The following LRRC4C variants were observed in gnomAD, a reference collection of about 807,000 sequenced individuals.
LRRC4C encodes the protein leucine-rich repeat-containing protein 4C.
Under a neutral mutation model 33.6 loss-of-function variants are expected in LRRC4C, and 5 were observed. The ratio of observed to expected loss-of-function variants is 0.15; its 90% CI spans 0.08 to 0.31. The LOEUF (loss-of-function observed/expected upper bound fraction) is 0.31. Ranked by LOEUF, LRRC4C falls within the 10% of genes least tolerant of loss-of-function variation. LRRC4C has a pLI of 1.00. For missense variants in LRRC4C, 560 were observed against 796.7 expected, an observed-to-expected ratio of 0.70 and a Z score of 3.58; for synonymous variants, 329 against 302.0, an observed-to-expected ratio of 1.09 and a Z score of -0.93.
intron 5 of LRRC4C, among the ~76,000 whole-genome samples, chr11:40,195,512 A>T (rs1179021887): frequency 1.3e-5 from 2 of 152,096 alleles, no homozygotes; most frequent in African/African-American, 4.8e-5. Context: ...TGGGTAGCAG[A>T]GGTGGGGTCA....
At chr11:40,655,044 G>C (rs1457834295) in intron 2 of LRRC4C, among the ~76,000 whole-genome samples, 1 of 152,192 alleles carries the variant, frequency 6.6e-6, no homozygotes, top group East Asian at 1.9e-4. Flanking sequence ...ATGCAGAAAT[G>C]TGAGTCAATT....
chr11:40,785,677 T>G (rs535459238), intron 2 of LRRC4C, among the ~76,000 whole-genome samples: 1 of 152,298 alleles, frequency 6.6e-6, no homozygotes, highest in African/African-American at 2.4e-5. Flanking sequence ...GGTGCTGTCT[T>G]TTCAAAATAC....
intron 3 of LRRC4C, among the ~76,000 whole-genome samples, chr11:40,509,673 G>A (rs559830910): frequency 2.4e-4 from 37 of 151,962 alleles, no homozygotes; most frequent in African/African-American, 5.5e-4. Flanking sequence ...TTAATTTTGC[G>A]TAGCATTTTT....
intron 4 of LRRC4C, among the ~76,000 whole-genome samples, chr11:40,306,375 G>C (rs562301597): frequency 6.6e-6 from 1 of 152,232 alleles, no homozygotes; most frequent in African/African-American, 2.4e-5. Context: ...CACAGCAGCT[G>C]CTCACTTCAT....
chr11:40,763,971 C>T (rs1949340619), intron 2 of LRRC4C, among the ~76,000 whole-genome samples: 1 of 152,160 alleles, frequency 6.6e-6, no homozygotes, highest in African/African-American at 2.4e-5. Flanking sequence ...TAGTGAGACA[C>T]AAGCTGGGGT....
intron 1 of LRRC4C, among the ~76,000 whole-genome samples, chr11:41,133,599 C>T (rs1435871892): frequency 1.4e-5 from 2 of 147,824 alleles, no homozygotes; most frequent in East Asian, 4.2e-4. Context: ...CCTCATTATA[C>T]TCCCTCCACT....
At chr11:41,181,643 T>C (rs1945455255) in intron 1 of LRRC4C, among the ~76,000 whole-genome samples, 1 of 152,166 alleles carries the variant, frequency 6.6e-6, no homozygotes, top group Non-Finnish European at 1.5e-5. Flanking sequence ...AGCAAATTAG[T>C]AGTTGAACAA....
At chr11:41,093,927 C>CAAAAAAAAAAAAA (rs56173087) in intron 1 of LRRC4C, among the ~76,000 whole-genome samples, 2 of 58,990 alleles carry the variant, frequency 3.4e-5, no homozygotes, top group East Asian at 5.4e-4. Flanking sequence ...CCGTCTCCAC[C>CAAAAAAAAAAAAA]AAAAAAAAAA....
intron 5 of LRRC4C, among the ~76,000 whole-genome samples, chr11:40,166,314 A>G (rs1859592292): frequency 6.6e-6 from 1 of 152,192 alleles, no homozygotes; most frequent in Admixed American, 6.5e-5. Flanking sequence ...AAAAATACGA[A>G]TGAATTTCAC....
chr11:41,056,726 C>A (rs747090093), intron 1 of LRRC4C, among the ~76,000 whole-genome samples: 3 of 152,180 alleles, frequency 2.0e-5, no homozygotes, highest in African/African-American at 7.2e-5. Flanking sequence ...CATATCATAC[C>A]AGTCAGAGTG....
chr11:41,251,569 A>G (rs1948639002), intron 1 of LRRC4C, among the ~76,000 whole-genome samples: 1 of 152,228 alleles, frequency 6.6e-6, no homozygotes, highest in Non-Finnish European at 1.5e-5. Flanking sequence ...TGGAAACAAT[A>G]TACTCAGTAA....
intron 2 of LRRC4C, among the ~76,000 whole-genome samples, chr11:40,806,114 T>C (rs537736254): frequency 1.1e-4 from 16 of 152,336 alleles, no homozygotes; most frequent in Middle Eastern, 3.4e-3. Context: ...TTAAAAAATG[T>C]TACGACTGTT....
At position 41,366,215 on chromosome 11, in the gene LRRC4C, T is replaced by C. The variant is rs866792028; in HGVS notation, c.-496+93216A>G. Among the ~76,000 whole-genome samples, 533 of 142,164 alleles carry C rather than the reference T, an allele frequency of 3.7e-3. 4 individuals are homozygous for C. The highest frequency in any genetic ancestry group is 0.014 in the African/African-American group (487 of 34,106). The allele number at this position is 142,164 out of a possible 152,430, so 93.3% of individuals were successfully genotyped here. A position where few individuals can be genotyped will look rare whatever the true frequency, so the allele number is the denominator to read the frequency against. On this transcript the variant is annotated intron_variant, in intron 1 of 6. Transcript: ENST00000528697. ...ATAGATAGACAGATAGATAGATAGA[T>C]AGATAGATAGATAGATAGATAGATA...
chr11:40,116,091 G>T lies in LRRC4C; in HGVS notation c.202C>A (p.Arg68Ser), dbSNP rs1286179478. 6.2e-6 allele frequency: 10 copies of T among 1,614,032 alleles called. No individual in the cohort carries two copies. Among genetic ancestry groups the T allele is most frequent in the Non-Finnish European group, 8.5e-6 (10 of 1,180,014 alleles). ...SKVICVRKNL[R>S]EVPDGISTNT... is the part of the protein sequence containing the mutation. ...GTGGAGATGCCATCCGGAACCTCAC[G>T]CAGGTTTTTCCGAACACAAATCACC... The change falls in exon 7 of 7, where the codon CGT becomes AGT. Residue 68 changes from arginine to serine, a missense_variant. This residue lies in a region of LRRC4C where 455 missense variants were observed against 643.8 expected (regional missense o/e 0.71). Coordinates refer to ENST00000528697, the MANE Select transcript of LRRC4C (RefSeq NM_001258419.2).
At chr11:40,830,289 C>T (rs1258902848) in intron 2 of LRRC4C, among the ~76,000 whole-genome samples, 1 of 152,086 alleles carries the variant, frequency 6.6e-6, no homozygotes, top group Non-Finnish European at 1.5e-5. Context: ...CTTTCCACTT[C>T]TTTGTTAATA....
chr11:40,879,599 A>G (rs1216838973), intron 2 of LRRC4C, among the ~76,000 whole-genome samples: 2 of 152,154 alleles, frequency 1.3e-5, no homozygotes, highest in African/African-American at 2.4e-5. Flanking sequence ...AAGTAAACTC[A>G]CAGATAAAGG....
chr11:40,119,290 C>G (rs943246989), intron 6 of LRRC4C, among the ~76,000 whole-genome samples: 4 of 152,204 alleles, frequency 2.6e-5, no homozygotes, highest in African/African-American at 9.6e-5. Flanking sequence ...CCATTGCTTT[C>G]TGGCTTCAGA....
intron 1 of LRRC4C, among the ~76,000 whole-genome samples, chr11:41,184,479 C>G (rs1945599113): frequency 6.6e-6 from 1 of 152,124 alleles, no homozygotes; most frequent in African/African-American, 2.4e-5. Flanking sequence ...AGTTTATTTG[C>G]TAAACATAAC....
At chr11:40,914,726 G>A (rs879002662) in intron 2 of LRRC4C, among the ~76,000 whole-genome samples, 1 of 152,056 alleles carries the variant, frequency 6.6e-6, no homozygotes, top group South Asian at 2.1e-4. Context: ...GGAAATAAAG[G>A]GTATTCAATT....
Sources: allele counts gnomAD v4.1 joint callset (sites outside exome capture counted in the v4.1 genomes callset), GRCh38; gene constraint gnomAD v4.1.1; regional missense constraint gnomAD v4.1.1; transcripts MANE v1.5; gene names NCBI Gene and HGNC (gene_info 2026-07-23, HGNC 2026-07-21).